Variants in GFRAL observed in about 807,000 individuals in gnomAD.
GFRAL encodes GDNF family receptor alpha like, also known as GDNF family receptor alpha-like.
GFRAL carries 36 observed loss-of-function variants against 45.4 expected under a neutral mutation model. That is an observed-to-expected ratio of 0.79 (90% confidence interval 0.61 to 1.05). The LOEUF is 1.05. GFRAL is among the 50% of genes least tolerant of loss of function. The probability of loss-of-function intolerance (pLI) is 0.00; values close to 1 mark genes in which losing one functional copy is unlikely to be tolerated. For missense variants in GFRAL, 507 were observed against 467.5 expected (o/e 1.08, Z -0.78); for synonymous variants, 166 against 154.1 (o/e 1.08, Z -0.57).
intron 6 of GFRAL, among the ~76,000 whole-genome samples, chr6:55,397,309 G>T (rs1768839341): frequency 7.2e-6 from 1 of 139,338 alleles, no homozygotes; most frequent in African/African-American, 2.8e-5. Flanking sequence ...ATGAGGTCAG[G>T]AGATCGAGAC....
chr6:55,364,499 A>G lies in GFRAL; in HGVS notation c.952+5361A>G, dbSNP rs1177430222. On this transcript the variant is annotated intron_variant, in intron 6 of 8. Coordinates refer to ENST00000340465, the MANE Select transcript of GFRAL (RefSeq NM_207410.2). ...TGCCATTGCTTTTGGTGCTTTAGAC[A>G]TGAAGTCCTTGCCCATGCCTATGTC... Among the ~76,000 whole-genome samples the G allele has an allele frequency of 2.8e-5, 4 of 144,778 alleles. 1 individual carries two copies. Among genetic ancestry groups the G allele is most frequent in the Non-Finnish European group, 6.0e-5 (4 of 66,400 alleles). The allele number at this position is 144,778 out of a possible 152,430, so 95.0% of individuals were successfully genotyped here.
intron 5 of GFRAL, among the ~76,000 whole-genome samples, chr6:55,353,959 CTAA>C (rs1466354974): frequency 6.6e-6 from 1 of 151,926 alleles, no homozygotes; most frequent in Non-Finnish European, 1.5e-5. Context: ...ACAATGAAAC[CTAA>C]TAATATTTTA....
At chr6:55,329,932 T>A (rs1057491213) in intron 1 of GFRAL, among the ~76,000 whole-genome samples, 1 of 152,164 alleles carries the variant, frequency 6.6e-6, no homozygotes, top group African/African-American at 2.4e-5. Flanking sequence ...AACAACAGCA[T>A]TTAAAAATTC....
intron 6 of GFRAL, among the ~76,000 whole-genome samples, chr6:55,369,543 A>T (rs911397237): frequency 6.6e-6 from 1 of 152,136 alleles, no homozygotes; most frequent in Non-Finnish European, 1.5e-5. Context: ...TCTCCTGTTA[A>T]TGTGGATATT....
chr6:55,350,969 C>T (rs1009946308), intron 4 of GFRAL, among the ~76,000 whole-genome samples: 3 of 152,042 alleles, frequency 2.0e-5, no homozygotes, highest in Non-Finnish European at 2.9e-5. Flanking sequence ...CATTTGAAAA[C>T]CTTGGACTGG....
intron 6 of GFRAL, among the ~76,000 whole-genome samples, chr6:55,362,274 G>GAAA (rs74432101): frequency 8.1e-6 from 1 of 124,050 alleles, no homozygotes; most frequent in Non-Finnish European, 1.8e-5. Context: ...AAATGATAAT[G>GAAA]AAAAAAAAAA....
intron 5 of GFRAL, among the ~76,000 whole-genome samples, chr6:55,358,272 C>T (rs753250916): frequency 2.0e-5 from 3 of 151,736 alleles, no homozygotes; most frequent in Non-Finnish European, 4.4e-5. Context: ...TTTATTCTTG[C>T]ATTCATTAAT....
intron 6 of GFRAL, among the ~76,000 whole-genome samples, chr6:55,362,728 T>C (rs529981854): frequency 7.9e-5 from 12 of 152,150 alleles, no homozygotes; most frequent in Middle Eastern, 3.4e-3. Flanking sequence ...ATGTTCTTTT[T>C]GCATTTCCCA....
At chr6:55,352,285 A>G (rs563575530) in intron 5 of GFRAL, among the ~76,000 whole-genome samples, 5 of 152,270 alleles carry the variant, frequency 3.3e-5, no homozygotes, top group African/African-American at 1.2e-4. Context: ...TATAAGGATT[A>G]TAGGTTAAAC....
At chr6:55,362,742 C>CT (rs776663189) in intron 6 of GFRAL, among the ~76,000 whole-genome samples, 6 of 151,616 alleles carry the variant, frequency 4.0e-5, no homozygotes, top group East Asian at 1.9e-4. Flanking sequence ...TTTCCCAGAG[C>CT]TTTTTTTTAT....
intron 3 of GFRAL, among the ~76,000 whole-genome samples, chr6:55,349,763 G>GTTT (rs59006121): frequency 1.4e-5 from 2 of 138,750 alleles, no homozygotes; most frequent in African/African-American, 2.7e-5. Flanking sequence ...TATTCCTTCT[G>GTTT]TTTTTTTTTT....
chr6:55,346,842 C>CAAA (rs35145939), intron 3 of GFRAL, among the ~76,000 whole-genome samples: 5 of 98,192 alleles, frequency 5.1e-5, no homozygotes, highest in African/African-American at 1.1e-4. Context: ...CCCCCCCCCC[C>CAAA]AAAAAAAAGA....
chr6:55,397,897 G>C (rs182299483), intron 6 of GFRAL, among the ~76,000 whole-genome samples: 1 of 152,220 alleles, frequency 6.6e-6, no homozygotes, highest in East Asian at 1.9e-4. Flanking sequence ...ATTTTTTATA[G>C]TATCTTTTCT....
chr6:55,369,198 C>T (rs191700773), intron 6 of GFRAL, among the ~76,000 whole-genome samples: 2 of 152,184 alleles, frequency 1.3e-5, no homozygotes, highest in African/African-American at 4.8e-5. Context: ...GGGAGTGACC[C>T]GATTTTCCAG....
chr6:55,358,591 T>C (rs993188605), intron 5 of GFRAL, among the ~76,000 whole-genome samples: 1 of 151,998 alleles, frequency 6.6e-6, no homozygotes, highest in African/African-American at 2.4e-5. Context: ...AAGCAGTTCA[T>C]GCCTCAAATA....
At chr6:55,360,807 A>T (rs1768264554) in intron 6 of GFRAL, among the ~76,000 whole-genome samples, 1 of 151,964 alleles carries the variant, frequency 6.6e-6, no homozygotes, top group African/African-American at 2.4e-5. Flanking sequence ...AACTAAACTT[A>T]TAGTAATATA....
At chr6:55,387,471 C>G (rs1356377669) in intron 6 of GFRAL, among the ~76,000 whole-genome samples, 1 of 152,142 alleles carries the variant, frequency 6.6e-6, no homozygotes, top group East Asian at 1.9e-4. Flanking sequence ...GCCAAGTATT[C>G]TTGTGACAAC....
At chr6:55,397,511 C>T (rs1415728636) in intron 6 of GFRAL, among the ~76,000 whole-genome samples, 1 of 92,422 alleles carries the variant, frequency 1.1e-5, no homozygotes, top group Non-Finnish European at 2.0e-5. Flanking sequence ...GGCGACAGAG[C>T]GAGACTCCGT....
At chr6:55,341,582 G>A (rs143245414) in intron 3 of GFRAL, among the ~76,000 whole-genome samples, 5 of 152,270 alleles carry the variant, frequency 3.3e-5, no homozygotes, top group African/African-American at 1.2e-4. Context: ...AAAAAACAGA[G>A]CAGAAAAGCT....
Sources: gnomAD v4.1 joint callset for allele counts (sites outside exome capture counted in the v4.1 genomes callset) on GRCh38, gnomAD v4.1.1 for gene constraint, MANE v1.5 for transcripts, NCBI Gene and HGNC (gene_info 2026-07-23, HGNC 2026-07-21) for gene names.